The following GRSF1 variants were observed in gnomAD, a reference collection of about 807,000 sequenced individuals.
GRSF1 encodes G-rich RNA sequence binding factor 1, also known as G-rich sequence factor 1.
A neutral mutation model predicts 51.1 loss-of-function variants in GRSF1; 50 were observed. That is an observed-to-expected ratio of 0.98 (90% CI 0.78 to 1.24). The LOEUF is 1.24. Among genes scored for constraint, GRSF1 ranks in the 50% most tolerant of loss-of-function variants. GRSF1 has a pLI of 0.00. For synonymous variants in GRSF1, 293 were observed against 253.3 expected (o/e 1.16, Z -1.49); for missense variants, 700 against 639.7 (o/e 1.09, Z -1.02).
At chr4:70,837,618 T>C (rs1261925533) in intron 1 of GRSF1, among the ~76,000 whole-genome samples, 1 of 150,896 alleles carries the variant, frequency 6.6e-6, no homozygotes, top group Non-Finnish European at 1.5e-5. Context: ...CAGAGATATC[T>C]TTCTACTATC....
rs200061572 is a variant in GRSF1 at position 70,827,946 on chromosome 4, A to C, written c.1041T>G (p.Ala347=). 1.7e-4 allele frequency: 281 copies of C among 1,612,076 alleles called. No homozygotes were observed. In the African/African-American group the frequency reaches 3.5e-3, roughly 20 times the overall value. The stretch of plus-strand genomic sequence containing the variant: ...CCATTTCTGGCTCAGTTATATACTT[A>C]GCAGTAGGAAAAGATGCGATTTTCT... ...KGKKIASFPT[A]KYITEPEMVF... Residue 347 remains alanine (A), a synonymous_variant, in exon 6 of 10, where the codon GCT becomes GCG. Transcript: ENST00000254799.
chr4:70,839,542 C>T lies in GRSF1; in HGVS notation c.286G>A (p.Ala96Thr), dbSNP rs1243308417. 5 of 1,438,614 alleles carry T rather than the reference C, an allele frequency of 3.5e-6. No individual in the cohort carries two copies. In the East Asian group the frequency reaches 9.2e-5, roughly 26 times the overall value. The allele number at this position is 1,438,614 out of a possible 1,614,324, so 89.1% of individuals were successfully genotyped here. A position where few individuals can be genotyped will look rare whatever the true frequency, so the allele number is the denominator to read the frequency against. The part of the protein sequence containing the change: ...AAAAAAASYS[A>T]LRASLLPQSL... ...TGCGGCAGCAGAGAGGCACGGAGGG[C>T]AGAGTAGGACGCGGCGGCCGCGGCC... The change falls in exon 1 of 10, where the codon GCC becomes ACC. Residue 96 changes from alanine to threonine, a missense_variant. By Grantham distance (58) the Ala-to-Thr change is moderately conservative. Transcript: ENST00000254799.
intron 1 of GRSF1, 196 bp downstream of exon 1, chr4:70,839,275 G>C: frequency 2.0e-6 from 3 of 1,492,298 alleles, no homozygotes; most frequent in Non-Finnish European, 2.7e-6. Flanking sequence ...ACAAGCAGAA[G>C]ACCCGACGCC....
chr4:70,823,993 T>TTTTTTG (rs1733632406), intron 9 of GRSF1, among the ~76,000 whole-genome samples: 1 of 148,146 alleles, frequency 6.8e-6, no homozygotes, highest in African/African-American at 2.5e-5. Flanking sequence ...TTTTTTTTTT[T>TTTTTTG]TGAGTCTCGC....
chr4:70,831,910 G>GT (rs5859242), intron 4 of GRSF1, among the ~76,000 whole-genome samples: 5,717 of 129,596 alleles, frequency 0.044, 199 homozygotes, highest in African/African-American at 0.1. Context: ...CTCCCCACCA[G>GT]TTTTTTTTTT....
intron 2 of GRSF1, among the ~76,000 whole-genome samples, chr4:70,834,530 T>G (rs13112870): frequency 2.0e-5 from 3 of 152,092 alleles, no homozygotes; most frequent in African/African-American, 7.3e-5. Flanking sequence ...ATTTAGTACA[T>G]GTATAGGACT....
Position 70,827,999 on chromosome 4 carries a change from G to C in GRSF1, c.988C>G (p.Arg330Gly), listed in dbSNP as rs550281419. 1 of 1,613,424 alleles carries C rather than the reference G, an allele frequency of 6.2e-7. No homozygotes were observed. The highest frequency in any genetic ancestry group is 1.1e-5 in the South Asian group (1 of 91,008). The change falls in exon 6 of 10, where the codon CGA (arginine) becomes GGA (glycine). Residue 330 changes from arginine (R) to glycine (G), a missense_variant. Coordinates refer to ENST00000254799, the MANE Select transcript of GRSF1 (RefSeq NM_002092.4). The part of the protein sequence containing the change: ...EIFPSRRNEV[R>G]THVGSYKGKK... ...CCCTTATAAGAACCGACATGTGTTCGAACTTCATTCCTTCTGCTTGGAAAT... is the reference window on the plus strand; with the variant it reads ...CCCTTATAAGAACCGACATGTGTTCCAACTTCATTCCTTCTGCTTGGAAAT...
At chr4:70,842,385 C>T (rs1157288611), upstream of GRSF1, among the ~76,000 whole-genome samples, 1 of 152,082 alleles carries the variant, frequency 6.6e-6, no homozygotes, top group East Asian at 1.9e-4. Context: ...TTCCCCACCC[C>T]AGCCAAAAAA....
At chr4:70,836,846 C>G (rs1456237715) in intron 1 of GRSF1, among the ~76,000 whole-genome samples, 1 of 152,108 alleles carries the variant, frequency 6.6e-6, no homozygotes, top group African/African-American at 2.4e-5. Flanking sequence ...ATAGGGTATT[C>G]CAGTTTGAAG....
chr4:70,820,815 T>C lies in GRSF1; in HGVS notation c.*72A>G, dbSNP rs1320561235. On this transcript the variant is annotated 3_prime_UTR_variant, in exon 10 of 10. Coordinates refer to ENST00000254799, the MANE Select transcript of GRSF1 (RefSeq NM_002092.4). ...GCTGCTAATAAACTGGAACTGTATA[T>C]CCCAAGTCCAAGAAAGATGTGCAAA... 1 of 152,622 alleles carries C rather than the reference T, an allele frequency of 6.6e-6. No homozygotes were observed. Among genetic ancestry groups the C allele is most frequent in the African/African-American group, 2.4e-5 (1 of 41,438 alleles). The allele number at this position is 152,622 out of a possible 1,614,324, so 9.5% of individuals were successfully genotyped here.
At chr4:70,822,679 C>G (rs1257773408) in intron 9 of GRSF1, among the ~76,000 whole-genome samples, 4 of 151,604 alleles carry the variant, frequency 2.6e-5, no homozygotes, top group Non-Finnish European at 5.9e-5. Flanking sequence ...AGTCACATAT[C>G]CAGTCTATTA....
rs1375418639 is a variant in GRSF1 at position 70,833,096 on chromosome 4, GC to G, written c.670+21del. 5 of 1,605,002 alleles carry G rather than the reference GC, an allele frequency of 3.1e-6. No individual in the cohort carries two copies. In the African/African-American group the frequency reaches 6.7e-5, roughly 21 times the overall value. The stretch of plus-strand genomic sequence containing the variant: ...AAACCTAATGCAATGATCCCAAAAA[GC>G]CATAATCTGACTTCACATACCTTCC... On this transcript the variant is annotated intron_variant, in intron 3 of 9. Coordinates refer to ENST00000254799, the MANE Select transcript of GRSF1 (RefSeq NM_002092.4).
chr4:70,836,967 T>C (rs3775729), intron 1 of GRSF1, among the ~76,000 whole-genome samples: 121,064 of 152,218 alleles, frequency 0.8, 51,995 homozygotes, highest in Non-Finnish European at 0.95. Context: ...GTTGGTACCA[T>C]AGAGCAGAGG....
Position 70,831,565 on chromosome 4 carries a change from C to G in GRSF1, c.924G>C (p.Leu308Phe). 1 of 1,613,512 alleles carries G rather than the reference C, an allele frequency of 6.2e-7. No homozygotes were observed. The highest frequency in any genetic ancestry group is 1.1e-5 in the South Asian group (1 of 91,012). The change falls in exon 5 of 10, where the codon TTG becomes TTC. Residue 308 changes from leucine (L) to phenylalanine (F), a missense_variant. Transcript: ENST00000254799. ...GATTACCAATTTCTTCCCTGTGTTT[C>G]AACAGGGCTTGGTTGGCCATTTCTG... ...EEPEMANQAL[L>F]KHREEIGNRY...
intron 9 of GRSF1, 70 bp downstream of exon 9, chr4:70,824,224 C>T: frequency 1.4e-6 from 1 of 696,148 alleles, no homozygotes; most frequent in Non-Finnish European, 2.6e-6. Context: ...CCCACCTTGG[C>T]CTCCCAAAGT....
intron 7 of GRSF1, chr4:70,825,827 T>C (rs1560595401): frequency 6.2e-6 from 2 of 321,004 alleles, no homozygotes; most frequent in East Asian, 9.4e-5. Flanking sequence ...AGCTACTCGG[T>C]AGACCAAGGC....
intron 4 of GRSF1, among the ~76,000 whole-genome samples, 167 bp from the exon 5 acceptor site, chr4:70,831,841 T>C (rs562491121): frequency 2.7e-4 from 41 of 151,502 alleles, no homozygotes; most frequent in African/African-American, 9.2e-4. Flanking sequence ...AGTCAACACC[T>C]ACATACTTGT....
intron 2 of GRSF1, among the ~76,000 whole-genome samples, chr4:70,833,788 G>C (rs1169299964): frequency 6.6e-6 from 1 of 151,944 alleles, no homozygotes; most frequent in African/African-American, 2.4e-5. Flanking sequence ...CAAAGTGCTG[G>C]GATTACAGGC....
In GRSF1 at chr4:70,836,168, G is replaced by T. The variant is rs748188018; in HGVS notation, c.504C>A (p.Asn168Lys). 3 of 1,532,990 alleles carry T rather than the reference G, an allele frequency of 2.0e-6. No individual in the cohort carries two copies. Among genetic ancestry groups the T allele is most frequent in the African/African-American group, 2.8e-5 (2 of 70,598 alleles). The allele number at this position is 1,532,990 out of a possible 1,614,324, so 95.0% of individuals were successfully genotyped here. Residue 168 changes from asparagine to lysine, a missense_variant, in exon 2 of 10, where the codon AAC (asparagine) becomes AAA (lysine). Asn to Lys is a moderately conservative substitution (Grantham distance 94). Transcript: ENST00000254799. Reference protein sequence around the residue: ...PWSCTMEDVLNFFSDCRIRNG... With the variant: ...PWSCTMEDVLKFFSDCRIRNG... ...ATACATAAAATATACCTGAAAAAAA[G>T]TTAAGCACATCTTCCATAGTGCATG...
Sources: allele counts gnomAD v4.1 joint callset (sites outside exome capture counted in the v4.1 genomes callset), GRCh38; gene constraint gnomAD v4.1.1; transcripts MANE v1.5; gene names NCBI Gene and HGNC (gene_info 2026-07-23, HGNC 2026-07-21).